ENOX1: variants seen among roughly 807,000 people sequenced by gnomAD.
ENOX1 encodes candidate growth-related and time keeping constitutive hydroquinone (NADH) oxidase.
Under a neutral mutation model 82.5 loss-of-function variants are expected in ENOX1, and 42 were observed. The ratio of observed to expected loss-of-function variants is 0.51; its 90% CI spans 0.40 to 0.66. The LOEUF (loss-of-function observed/expected upper bound fraction) is 0.66, where lower values mean the gene tolerates loss of function less well. ENOX1 is among the 30% of genes least tolerant of loss of function. ENOX1 has a pLI of 0.00. For missense variants in ENOX1, 608 were observed against 811.6 expected (o/e 0.75, Z 3.05); for synonymous variants, 271 against 282.2 (o/e 0.96, Z 0.40).
chr13:43,726,718 TTG>T (rs55918525), intron 1 of ENOX1, among the ~76,000 whole-genome samples: 8,499 of 144,674 alleles, frequency 0.059, 375 homozygotes, highest in South Asian at 0.14. Context: ...GCATTGACTT[TTG>T]TGTGTGTGTG....
chr13:43,694,098 G>A (rs2086511569), intron 1 of ENOX1, among the ~76,000 whole-genome samples: 1 of 152,018 alleles, frequency 6.6e-6, no homozygotes, highest in Non-Finnish European at 1.5e-5. Context: ...TATTCCCTTT[G>A]CTAATTGAGA....
At chr13:43,770,988 C>G (rs1035671422) in intron 1 of ENOX1, among the ~76,000 whole-genome samples, 2 of 152,202 alleles carry the variant, frequency 1.3e-5, no homozygotes, top group Non-Finnish European at 2.9e-5. Context: ...TAGCCAGGCA[C>G]TCAAATTATT....
chr13:43,471,296 G>T (rs562605867), intron 3 of ENOX1, among the ~76,000 whole-genome samples: 1 of 152,112 alleles, frequency 6.6e-6, no homozygotes, highest in African/African-American at 2.4e-5. Context: ...GGGATACTGG[G>T]AGGGGCCTGC....
chr13:43,519,589 C>T (rs868373554), intron 2 of ENOX1, among the ~76,000 whole-genome samples: 1 of 152,076 alleles, frequency 6.6e-6, no homozygotes, highest in Non-Finnish European at 1.5e-5. Context: ...CACCACAGCA[C>T]GTGGCAGAAA....
At chr13:43,770,838 AT>A (rs1336343389) in intron 1 of ENOX1, among the ~76,000 whole-genome samples, 5 of 151,932 alleles carry the variant, frequency 3.3e-5, no homozygotes, top group Non-Finnish European at 7.4e-5. Context: ...CAACAACAGC[AT>A]TTTTGTGGGA....
rs1243865875 is a variant in ENOX1, at chr13:43,213,858, T to C, written c.*132A>G. ...CACTTACAAGAGAACGCCACAGATA[T>C]AACTAAAGGCAGGCTTCGATGGCTC... On this transcript the variant is annotated 3_prime_UTR_variant, in exon 17 of 17. Transcript: ENST00000690772. 9.5e-6 allele frequency: 9 copies of C among 945,826 alleles called. No individual in the cohort carries two copies. The highest frequency in any genetic ancestry group is 6.6e-5 in the African/African-American group (4 of 60,238). The allele number at this position is 945,826 out of a possible 1,614,324, so 58.6% of individuals were successfully genotyped here. A position where few individuals can be genotyped will look rare whatever the true frequency, so the allele number is the denominator to read the frequency against.
intron 2 of ENOX1, among the ~76,000 whole-genome samples, chr13:43,509,940 G>A (rs1416030258): frequency 6.6e-6 from 1 of 151,922 alleles, no homozygotes; most frequent in Non-Finnish European, 1.5e-5. Context: ...CTCAGTGTTG[G>A]ACAGCCTTAT....
chr13:43,753,622 G>A lies in ENOX1; in HGVS notation c.-285+33030C>T, dbSNP rs556839505. ...TACCCATAGGGAAAGACACGCTGTG[G>A]AAACACATTTGCTCAGGAGAGAGGA... On this transcript the variant is annotated intron_variant, in intron 1 of 16. Coordinates refer to ENST00000690772, the MANE Select transcript of ENOX1 (RefSeq NM_001347969.2). Among the ~76,000 whole-genome samples, 9 of 152,254 alleles carry A rather than the reference G, an allele frequency of 5.9e-5. No homozygotes were observed. In the East Asian group the frequency reaches 1.7e-3, roughly 29 times the overall value.
intron 13 of ENOX1, among the ~76,000 whole-genome samples, chr13:43,268,493 A>C (rs779467883): frequency 6.6e-6 from 1 of 152,198 alleles, no homozygotes; most frequent in Admixed American, 6.5e-5. Flanking sequence ...TTATAAACTA[A>C]TATCTGTACT....
At chr13:43,349,379 G>T (rs143499612) in intron 8 of ENOX1, among the ~76,000 whole-genome samples, 2 of 152,172 alleles carry the variant, frequency 1.3e-5, no homozygotes, top group South Asian at 2.1e-4. Context: ...TTCTGGGAAC[G>T]TAATTGCTCT....
intron 2 of ENOX1, among the ~76,000 whole-genome samples, chr13:43,639,755 C>T (rs747399921): frequency 2.6e-5 from 4 of 152,180 alleles, no homozygotes; most frequent in Non-Finnish European, 5.9e-5. Flanking sequence ...CTTGGCCGGG[C>T]ACAGTGGCTC....
intron 3 of ENOX1, among the ~76,000 whole-genome samples, chr13:43,448,589 AAG>A (rs1182390209): frequency 5.9e-5 from 9 of 152,242 alleles, no homozygotes; most frequent in Admixed American, 5.9e-4. Context: ...CAGCAGCACA[AAG>A]AGCAATCCAG....
intron 5 of ENOX1, among the ~76,000 whole-genome samples, chr13:43,390,910 G>GA (rs1404729418): frequency 1.3e-5 from 2 of 151,928 alleles, no homozygotes; most frequent in Admixed American, 1.3e-4. Flanking sequence ...AAAACAAAAT[G>GA]AAAAAAGCAC....
chr13:43,520,662 G>A (rs573141425), intron 2 of ENOX1, among the ~76,000 whole-genome samples: 5 of 152,210 alleles, frequency 3.3e-5, no homozygotes, highest in East Asian at 1.9e-4. Context: ...GCCGGGGGGC[G>A]GCCACTGGTC....
At chr13:43,561,486 G>A (rs901164819) in intron 2 of ENOX1, among the ~76,000 whole-genome samples, 1 of 152,140 alleles carries the variant, frequency 6.6e-6, no homozygotes, top group Non-Finnish European at 1.5e-5. Flanking sequence ...TACATCACAG[G>A]ACTGCTATAG....
In ENOX1 at chr13:43,412,990, T is replaced by C; in HGVS notation, c.-74-2A>G. ...GGTCCCCTCGGAGGTCATCAGATTC[T>C]GCAAAACGGGACAGAAGTGTGGTGA... On this transcript the variant is annotated splice_acceptor_variant, in intron 3 of 16. Coordinates refer to ENST00000690772, the MANE Select transcript of ENOX1 (RefSeq NM_001347969.2). LOFTEE classifies it low-confidence loss of function (5UTR_SPLICE). The C allele has an allele frequency of 1.3e-6, 2 of 1,578,584 alleles. No individual in the cohort carries two copies. Among genetic ancestry groups the C allele is most frequent in the South Asian group, 1.2e-5 (1 of 85,518 alleles).
chr13:43,610,075 A>G (rs984787077), intron 2 of ENOX1, among the ~76,000 whole-genome samples: 2 of 152,232 alleles, frequency 1.3e-5, no homozygotes, highest in African/African-American at 4.8e-5. Flanking sequence ...TTTCAAATTT[A>G]TATGGCAGAT....
At chr13:43,734,424 A>T (rs2089505710) in intron 1 of ENOX1, among the ~76,000 whole-genome samples, 2 of 152,184 alleles carry the variant, frequency 1.3e-5, no homozygotes, top group Admixed American at 6.5e-5. Flanking sequence ...CCAAATTAGA[A>T]ATTCTTATCT....
chr13:43,590,400 T>A (rs562452821), intron 2 of ENOX1, among the ~76,000 whole-genome samples: 1 of 152,174 alleles, frequency 6.6e-6, no homozygotes, highest in South Asian at 2.1e-4. Context: ...ATTGTCTTTA[T>A]CCAAAGACAC....
Sources: gnomAD v4.1 joint callset for allele counts (sites outside exome capture counted in the v4.1 genomes callset) on GRCh38, gnomAD v4.1.1 for gene constraint, MANE v1.5 for transcripts, NCBI Gene and HGNC (gene_info 2026-07-23, HGNC 2026-07-21) for gene names.